CDH12: variants seen among roughly 807,000 people sequenced by gnomAD.
CDH12 encodes cadherin 12, also known as cadherin-12.
A neutral mutation model predicts 74.1 loss-of-function variants in CDH12; 41 were observed. The observed-to-expected ratio is 0.55, with a 90% CI of 0.43 to 0.72. CDH12 has a LOEUF of 0.72. Ranked by LOEUF, CDH12 falls within the 30% of genes least tolerant of loss-of-function variation. The pLI is 0.00. For synonymous variants in CDH12, 399 were observed against 355.0 expected, an observed-to-expected ratio of 1.12 and a Z score of -1.39; for missense variants, 945 against 977.2, an observed-to-expected ratio of 0.97 and a Z score of 0.44.
intron 4 of CDH12, among the ~76,000 whole-genome samples, chr5:22,184,338 C>CA (rs1242058852): frequency 6.6e-6 from 1 of 151,966 alleles, no homozygotes; most frequent in Admixed American, 6.6e-5. Flanking sequence ...TTTCCATTTC[C>CA]AAAAAATATA....
At chr5:22,762,981 A>G (rs1352470906) in intron 1 of CDH12, among the ~76,000 whole-genome samples, 1 of 151,648 alleles carries the variant, frequency 6.6e-6, no homozygotes, top group African/African-American at 2.4e-5. Context: ...TGAACACTGA[A>G]AATTAAAAAA....
intron 5 of CDH12, among the ~76,000 whole-genome samples, chr5:21,986,864 G>A (rs1384004476): frequency 6.6e-6 from 1 of 151,890 alleles, no homozygotes. Context: ...TATGTTAAAT[G>A]CCTTATAAGT....
chr5:22,287,930 C>T (rs1253498752), intron 3 of CDH12, among the ~76,000 whole-genome samples: 1 of 151,980 alleles, frequency 6.6e-6, no homozygotes, highest in Non-Finnish European at 1.5e-5. Context: ...ATGGCTATTC[C>T]GTATGTGCAA....
At chr5:22,602,453 A>G (rs114101416) in intron 1 of CDH12, among the ~76,000 whole-genome samples, 1,825 of 152,236 alleles carry the variant, frequency 0.012, 34 homozygotes, top group African/African-American at 0.041. Flanking sequence ...TACAAAATGA[A>G]GCTTGCTTGT....
At chr5:22,437,478 A>G (rs961005059) in intron 2 of CDH12, among the ~76,000 whole-genome samples, 1 of 151,760 alleles carries the variant, frequency 6.6e-6, no homozygotes. Flanking sequence ...TGTTATCCAT[A>G]AAGTGAGAAT....
intron 1 of CDH12, among the ~76,000 whole-genome samples, chr5:22,650,134 A>G (rs1218375262): frequency 6.6e-6 from 1 of 152,034 alleles, no homozygotes; most frequent in Non-Finnish European, 1.5e-5. Flanking sequence ...TTGAGGATAC[A>G]TATGCCTATA....
chr5:22,751,720 G>T (rs976907782), intron 1 of CDH12, among the ~76,000 whole-genome samples: 4 of 152,000 alleles, frequency 2.6e-5, no homozygotes, highest in African/African-American at 4.8e-5. Flanking sequence ...ATTTGGTTTG[G>T]GTATGTTGCC....
At chr5:21,790,235 T>C (rs962326890) in intron 10 of CDH12, among the ~76,000 whole-genome samples, 2 of 152,108 alleles carry the variant, frequency 1.3e-5, no homozygotes, top group African/African-American at 4.8e-5. Flanking sequence ...TCACCACATA[T>C]ACAGGTTATG....
chr5:22,092,968 C>A (rs1268944016), intron 4 of CDH12, among the ~76,000 whole-genome samples: 1 of 152,160 alleles, frequency 6.6e-6, no homozygotes, highest in Non-Finnish European at 1.5e-5. Flanking sequence ...AGTTAACACA[C>A]AACAAGCTTT....
chr5:22,117,512 A>ATATATATATAATATATATATAAT lies in CDH12; in HGVS notation c.-186-38651_-186-38650insATTATATATATATTATATATATA, dbSNP rs1554012043. Among the ~76,000 whole-genome samples the ATATATATATAATATATATATAAT allele has an allele frequency of 5.1e-5, 3 of 58,578 alleles. No individual in the cohort carries two copies. The Admixed American group carries it at 8.0e-4, about 16-fold the overall frequency. 38.4% of individuals were successfully genotyped at this position (58,578 alleles called of 152,430 possible). On this transcript the variant is annotated intron_variant, in intron 4 of 14. Coordinates refer to ENST00000382254, the MANE Select transcript of CDH12 (RefSeq NM_004061.5). Reference sequence around the variant, plus strand: ...TATTATATATATATAATATATATATAATATATATATAATATATATATATAT... The same window carrying ATATATATATAATATATATATAAT: ...TATTATATATATATAATATATATATATATATATATAATATATATATAATATATATATATAATATATATATATAT...
intron 11 of CDH12, among the ~76,000 whole-genome samples, chr5:21,780,995 A>T (rs1745875264): frequency 6.6e-6 from 1 of 152,152 alleles, no homozygotes; most frequent in South Asian, 2.1e-4. Flanking sequence ...CCCTTCAAGA[A>T]GGGGAGACTG....
intron 4 of CDH12, among the ~76,000 whole-genome samples, chr5:22,091,964 G>T (rs1743461409): frequency 1.3e-5 from 2 of 150,752 alleles, no homozygotes. Flanking sequence ...TTTTTTATGT[G>T]GATATCCAAT....
At chr5:21,972,110 A>G (rs1295717792) in intron 6 of CDH12, among the ~76,000 whole-genome samples, 2 of 152,170 alleles carry the variant, frequency 1.3e-5, no homozygotes, top group African/African-American at 4.8e-5. Flanking sequence ...GTAAATTTTC[A>G]TTGCAGGTTT....
rs115688939 is a variant in CDH12, at chr5:22,109,899, A to C, written c.-186-31037T>G. On this transcript the variant is annotated intron_variant, in intron 4 of 14. Coordinates refer to ENST00000382254, the MANE Select transcript of CDH12 (RefSeq NM_004061.5). ...TTACCTGGCACAGAAAGAAGCCCTCATAAGGACAGGAAAACCGAAAGAAGT... is the reference window on the plus strand; with the variant it reads ...TTACCTGGCACAGAAAGAAGCCCTCCTAAGGACAGGAAAACCGAAAGAAGT... Among the ~76,000 whole-genome samples the C allele has an allele frequency of 5.8e-3, 883 of 152,298 alleles. 6 individuals carry two copies. Among genetic ancestry groups the C allele is most frequent in the African/African-American group, 0.02 (843 of 41,578 alleles).
chr5:22,303,934 G>T (rs1271427889), intron 3 of CDH12, among the ~76,000 whole-genome samples: 1 of 151,848 alleles, frequency 6.6e-6, no homozygotes, highest in Non-Finnish European at 1.5e-5. Context: ...TATATTTTAG[G>T]ATCATATTAA....
At chr5:22,063,524 A>C (rs1741339889) in intron 5 of CDH12, among the ~76,000 whole-genome samples, 1 of 152,086 alleles carries the variant, frequency 6.6e-6, no homozygotes, top group East Asian at 1.9e-4. Context: ...CTTTTAAAAC[A>C]TTACTTCCTT....
At chr5:22,286,549 G>A (rs1197360071) in intron 3 of CDH12, among the ~76,000 whole-genome samples, 1 of 152,120 alleles carries the variant, frequency 6.6e-6, no homozygotes, top group South Asian at 2.1e-4. Context: ...ATTTTTTTGT[G>A]TGTGAAATAC....
At chr5:21,831,888 A>G (rs1749043115) in intron 8 of CDH12, among the ~76,000 whole-genome samples, 1 of 152,100 alleles carries the variant, frequency 6.6e-6, no homozygotes. Flanking sequence ...TAGACTACAT[A>G]ACACTACATT....
intron 5 of CDH12, among the ~76,000 whole-genome samples, chr5:22,055,267 C>T (rs1740659579): frequency 6.6e-6 from 1 of 152,130 alleles, no homozygotes; most frequent in Non-Finnish European, 1.5e-5. Context: ...CTGCAAGCCA[C>T]CTGAGAAAGA....
Sources: gnomAD v4.1 joint callset for allele counts (sites outside exome capture counted in the v4.1 genomes callset) on GRCh38, gnomAD v4.1.1 for gene constraint, MANE v1.5 for transcripts, NCBI Gene and HGNC (gene_info 2026-07-23, HGNC 2026-07-21) for gene names.